The following UST variants were observed in gnomAD, a reference collection of about 807,000 sequenced individuals.
UST encodes the protein uronyl 2-sulfotransferase, also known as chondroitin sulfate 2-O-sulfotransferase.
In UST, 21 loss-of-function variants were observed where a neutral mutation model predicts 45.6. That is an observed-to-expected ratio of 0.46 (90% CI 0.33 to 0.66). The LOEUF (loss-of-function observed/expected upper bound fraction) is 0.66. Among genes scored for constraint, UST ranks in the 30% least tolerant of loss-of-function variants. The pLI, the probability that UST is intolerant of heterozygous loss-of-function variation, is 0.02. For synonymous variants in UST, 215 were observed against 200.6 expected, an observed-to-expected ratio of 1.07 and a Z score of -0.61; for missense variants, 463 against 512.4, an observed-to-expected ratio of 0.90 and a Z score of 0.93.
At chr6:148,859,160 G>A (rs962769097) in intron 1 of UST, among the ~76,000 whole-genome samples, 1 of 152,050 alleles carries the variant, frequency 6.6e-6, no homozygotes, top group Non-Finnish European at 1.5e-5. Context: ...TTCAGCACCT[G>A]TTGTTTCCTG....
intron 1 of UST, among the ~76,000 whole-genome samples, chr6:148,807,500 T>A (rs1313626019): frequency 2.6e-5 from 4 of 152,144 alleles, no homozygotes; most frequent in African/African-American, 9.7e-5. Flanking sequence ...GAGTGTATAT[T>A]TGCCTAGTAT....
chr6:148,747,210 C>G lies in UST; in HGVS notation c.-221C>G, dbSNP rs2114634640. 2 of 362,270 alleles carry G rather than the reference C, an allele frequency of 5.5e-6. No homozygotes were observed. The highest frequency in any genetic ancestry group is 1.4e-4 in the South Asian group (1 of 7,182). 22.4% of individuals were successfully genotyped at this position (362,270 alleles called of 1,614,324 possible). ...CGGCGCCCCGTCACGGGCAGCGCCCCGAACCGGGGCCGGACACCTCGGCCG... is the reference window on the plus strand; with the variant it reads ...CGGCGCCCCGTCACGGGCAGCGCCCGGAACCGGGGCCGGACACCTCGGCCG... On this transcript the variant is annotated 5_prime_UTR_variant, in exon 1 of 8. Transcript: ENST00000367463.
At chr6:148,807,051 T>C (rs1270586189) in intron 1 of UST, among the ~76,000 whole-genome samples, 1 of 152,210 alleles carries the variant, frequency 6.6e-6, no homozygotes, top group Non-Finnish European at 1.5e-5. Context: ...TCTCTCTTAA[T>C]CTCTGTGTAT....
At chr6:148,976,356 C>T (rs1483673191) in intron 5 of UST, among the ~76,000 whole-genome samples, 1 of 152,170 alleles carries the variant, frequency 6.6e-6, no homozygotes, top group Non-Finnish European at 1.5e-5. Context: ...ACGAACATGA[C>T]ATCACTGAAT....
intron 4 of UST, among the ~76,000 whole-genome samples, chr6:148,961,463 A>G (rs973532897): frequency 6.6e-6 from 1 of 152,242 alleles, no homozygotes; most frequent in Non-Finnish European, 1.5e-5. Flanking sequence ...AATGAAGGGA[A>G]ATAAGTCTTA....
intron 7 of UST, among the ~76,000 whole-genome samples, chr6:149,034,687 A>G (rs1338778331): frequency 6.6e-6 from 1 of 152,194 alleles, no homozygotes; most frequent in African/African-American, 2.4e-5. Flanking sequence ...TCTTGATTTA[A>G]TAACTCATTT....
intron 1 of UST, among the ~76,000 whole-genome samples, chr6:148,845,128 T>C (rs1175465217): frequency 6.6e-6 from 1 of 152,234 alleles, no homozygotes; most frequent in African/African-American, 2.4e-5. Flanking sequence ...TATAATGATC[T>C]GTATTCCTTC....
intron 7 of UST, among the ~76,000 whole-genome samples, chr6:149,031,780 C>G (rs911944826): frequency 1.3e-5 from 2 of 152,182 alleles, no homozygotes; most frequent in Non-Finnish European, 1.5e-5. Flanking sequence ...CTGTGATGTC[C>G]CTTTCCTGGG....
At chr6:148,749,283 T>TA (rs1341421042) in intron 1 of UST, among the ~76,000 whole-genome samples, 2 of 152,152 alleles carry the variant, frequency 1.3e-5, no homozygotes, top group Admixed American at 6.6e-5. Context: ...GCCACAAAAG[T>TA]TAACAGTATT....
At chr6:148,990,865 C>T (rs1428568199) in intron 5 of UST, among the ~76,000 whole-genome samples, 3 of 152,112 alleles carry the variant, frequency 2.0e-5, no homozygotes, top group Non-Finnish European at 2.9e-5. Flanking sequence ...CAGTGTTCCA[C>T]GTAGACTCAG....
At chr6:148,789,677 A>T (rs562495302) in intron 1 of UST, among the ~76,000 whole-genome samples, 1 of 151,756 alleles carries the variant, frequency 6.6e-6, no homozygotes, top group East Asian at 1.9e-4. Context: ...AGCCTCCCGT[A>T]ATTCAGAATT....
At chr6:148,894,433 A>C (rs781330394) in intron 2 of UST, among the ~76,000 whole-genome samples, 4 of 152,188 alleles carry the variant, frequency 2.6e-5, no homozygotes, top group Non-Finnish European at 4.4e-5. Context: ...AGGAGAATGC[A>C]GTAGGGACAA....
chr6:149,009,129 C>A, intron 5 of UST, among the ~76,000 whole-genome samples: 1 of 152,180 alleles, frequency 6.6e-6, no homozygotes, highest in East Asian at 1.9e-4. Flanking sequence ...GAAAATGTTG[C>A]ATCCATACAT....
chr6:148,896,687 A>AT (rs1420436192), intron 2 of UST, among the ~76,000 whole-genome samples: 1 of 152,196 alleles, frequency 6.6e-6, no homozygotes, highest in African/African-American at 2.4e-5. Flanking sequence ...AGACTAATAA[A>AT]ATATATATCC....
At chr6:148,770,204 A>G (rs1033629975) in intron 1 of UST, among the ~76,000 whole-genome samples, 2 of 151,946 alleles carry the variant, frequency 1.3e-5, no homozygotes, top group Admixed American at 1.3e-4. Flanking sequence ...TTGGTAATAG[A>G]GATTTGCCCA....
chr6:148,946,510 C>CAA (rs71007930), intron 3 of UST, among the ~76,000 whole-genome samples: 5 of 33,942 alleles, frequency 1.5e-4, no homozygotes, highest in Admixed American at 4.5e-4. Flanking sequence ...GACTCCATCT[C>CAA]AAAAAAAAAA....
chr6:148,929,683 T>G (rs986936605), intron 2 of UST, among the ~76,000 whole-genome samples: 2 of 152,188 alleles, frequency 1.3e-5, no homozygotes, highest in African/African-American at 4.8e-5. Flanking sequence ...TTCGTTGGGT[T>G]TTTGGTTACC....
At chr6:148,947,874 C>G (rs1056060911) in intron 3 of UST, among the ~76,000 whole-genome samples, 1 of 151,082 alleles carries the variant, frequency 6.6e-6, no homozygotes, top group Non-Finnish European at 1.5e-5. Context: ...GACGTCTAGT[C>G]TTGGAGCCCT....
intron 7 of UST, among the ~76,000 whole-genome samples, chr6:149,046,230 C>A (rs1776393389): frequency 6.6e-6 from 1 of 152,198 alleles, no homozygotes; most frequent in South Asian, 2.1e-4. Context: ...GGAAGTTTAA[C>A]AAAAGCAAGC....
Sources: gnomAD v4.1 joint callset for allele counts (sites outside exome capture counted in the v4.1 genomes callset) on GRCh38, gnomAD v4.1.1 for gene constraint, MANE v1.5 for transcripts, NCBI Gene and HGNC (gene_info 2026-07-23, HGNC 2026-07-21) for gene names.